The following SPTBN1 variants were observed in gnomAD, a reference collection of about 807,000 sequenced individuals.
The protein encoded by SPTBN1 is spectrin beta, non-erythrocytic 1.
In SPTBN1, 32 loss-of-function variants were observed where a neutral mutation model predicts 266.4. That is an observed-to-expected ratio of 0.12 (90% CI 0.09 to 0.16). The LOEUF is 0.16. Among genes scored for constraint, SPTBN1 ranks in the 10% least tolerant of loss-of-function variants. SPTBN1 has a pLI of 1.00. For missense variants in SPTBN1, 2,296 were observed against 3,067.1 expected (o/e 0.75, Z 5.94); for synonymous variants, 1,336 against 1,162.2 (o/e 1.15, Z -3.04).
intron 2 of SPTBN1, among the ~76,000 whole-genome samples, chr2:54,532,115 C>A (rs1220404032): frequency 6.6e-6 from 1 of 152,122 alleles, no homozygotes; most frequent in Non-Finnish European, 1.5e-5. Context: ...TAGCGAAACC[C>A]CATCTCTGCT....
At chr2:54,632,424 A>G (rs1359628168) in intron 16 of SPTBN1, 142 bp from the exon 17 acceptor site, 17 of 951,832 alleles carry the variant, frequency 1.8e-5, no homozygotes, top group African/African-American at 3.3e-5. Context: ...TTTTCCTCCT[A>G]ACTTTTAATT....
intron 2 of SPTBN1, among the ~76,000 whole-genome samples, chr2:54,532,825 T>C (rs899183859): frequency 2.3e-4 from 35 of 152,214 alleles, no homozygotes; most frequent in African/African-American, 8.4e-4. Context: ...CCCTAATTTG[T>C]GTTGATTCTA....
At chr2:54,480,449 A>G (rs1379675273) in intron 1 of SPTBN1, among the ~76,000 whole-genome samples, 1 of 152,242 alleles carries the variant, frequency 6.6e-6, no homozygotes, top group East Asian at 1.9e-4. Context: ...AGTTTGTCTT[A>G]TGCAGTATTT....
rs1265055850 is a variant in SPTBN1 at position 54,669,388 on chromosome 2, T to G, written c.*819T>G. The G allele has an allele frequency of 6.6e-6, 1 of 152,666 alleles. No homozygotes were observed. Among genetic ancestry groups the G allele is most frequent in the African/African-American group, 2.4e-5 (1 of 41,454 alleles). The allele number at this position is 152,666 out of a possible 1,614,324, so 9.5% of individuals were successfully genotyped here. A position where few individuals can be genotyped will look rare whatever the true frequency, so the allele number is the denominator to read the frequency against. On this transcript the variant is annotated 3_prime_UTR_variant, in exon 36 of 36. Transcript: ENST00000356805. ...GAAGCATTTACTGGACAAAGTAATGTTACTCTAATGGTTACTTGCTCGTGC... is the reference window on the plus strand; with the variant it reads ...GAAGCATTTACTGGACAAAGTAATGGTACTCTAATGGTTACTTGCTCGTGC...
At chr2:54,659,914 C>T (rs1362471198) in intron 31 of SPTBN1, 22 bp from the exon 32 acceptor site, 1 of 1,610,744 alleles carries the variant, frequency 6.2e-7, no homozygotes, top group Non-Finnish European at 8.5e-7. Context: ...TCCCTTCCTC[C>T]TTTTCCCCTC....
At chr2:54,620,798 G>A (rs1250865712) in intron 7 of SPTBN1, among the ~76,000 whole-genome samples, 1 of 152,196 alleles carries the variant, frequency 6.6e-6, no homozygotes, top group African/African-American at 2.4e-5. Context: ...CCAGATTCTG[G>A]AGGACTGAAG....
At chr2:54,638,144 C>T (rs1378252624) in intron 18 of SPTBN1, among the ~76,000 whole-genome samples, 1 of 152,172 alleles carries the variant, frequency 6.6e-6, no homozygotes, top group African/African-American at 2.4e-5. Flanking sequence ...CCATCACTAG[C>T]TGTATTTTAA....
chr2:54,646,912 CT>C lies in SPTBN1; in HGVS notation c.4867-218del, dbSNP rs1679961176. Among the ~76,000 whole-genome samples, 1 of 152,232 alleles carries C rather than the reference CT, an allele frequency of 6.6e-6. No individual in the cohort carries two copies. Among genetic ancestry groups the C allele is most frequent in the East Asian group, 1.9e-4 (1 of 5,198 alleles). On this transcript the variant is annotated intron_variant, in intron 23 of 35. Transcript: ENST00000356805. This position sits in a 1 kb window ranked among gnomAD's most constrained non-coding sequence, Gnocchi z 4.4. ...TTCTCTGAGAGGGGCCCTGCTCATT[CT>C]GCGTTCTCCTTGTGTTTATCTTCTG...
intron 1 of SPTBN1, among the ~76,000 whole-genome samples, chr2:54,491,566 T>G (rs1316329717): frequency 2.0e-5 from 3 of 152,196 alleles, no homozygotes; most frequent in African/African-American, 7.2e-5. Flanking sequence ...GTGGTTCAAG[T>G]AATCATTTTT....
chr2:54,493,190 G>C (rs573949831), intron 1 of SPTBN1, among the ~76,000 whole-genome samples: 1 of 151,816 alleles, frequency 6.6e-6, no homozygotes, highest in South Asian at 2.1e-4. Context: ...ATGTTTTGTA[G>C]AGATGGGGTT....
intron 2 of SPTBN1, among the ~76,000 whole-genome samples, chr2:54,581,670 A>T (rs1465967714): frequency 7.0e-6 from 1 of 142,674 alleles, no homozygotes; most frequent in African/African-American, 2.7e-5. Context: ...AAACTGTCCC[A>T]AACCTGAGCT....
At chr2:54,654,228 G>C (rs1395743103) in intron 27 of SPTBN1, among the ~76,000 whole-genome samples, 1 of 152,140 alleles carries the variant, frequency 6.6e-6, no homozygotes, top group Non-Finnish European at 1.5e-5. Flanking sequence ...TGACTTTTCT[G>C]AGTTATTTTT....
intron 2 of SPTBN1, among the ~76,000 whole-genome samples, chr2:54,585,479 A>G (rs1213886129): frequency 6.6e-6 from 1 of 152,214 alleles, no homozygotes. Context: ...TTGTCCACCA[A>G]AACTCTGTAG....
intron 1 of SPTBN1, chr2:54,520,288 C>T (rs1667239357): frequency 6.6e-6 from 1 of 152,124 alleles, no homozygotes; most frequent in East Asian, 1.9e-4. Context: ...ATTGACTTTA[C>T]GAACTTTAAT....
intron 1 of SPTBN1, among the ~76,000 whole-genome samples, chr2:54,490,568 T>A (rs78288397): frequency 6.6e-6 from 1 of 152,298 alleles, no homozygotes; most frequent in Non-Finnish European, 1.5e-5. Flanking sequence ...TTTGAAGTAA[T>A]TGGCTATCTT....
At chr2:54,505,494 C>A (rs929273067) in intron 1 of SPTBN1, among the ~76,000 whole-genome samples, 2 of 152,142 alleles carry the variant, frequency 1.3e-5, no homozygotes, top group Admixed American at 6.5e-5. Context: ...CCTCCTAACC[C>A]CTAGCCACTG....
chr2:54,652,920 T>C (rs1444768775), intron 26 of SPTBN1: 1 of 152,008 alleles, frequency 6.6e-6, no homozygotes. Context: ...ATGACTGTCA[T>C]AGCTGAAAAA....
chr2:54,669,888 A>G lies in SPTBN1; in HGVS notation c.*1319A>G, dbSNP rs1681625054. On this transcript the variant is annotated 3_prime_UTR_variant, in exon 36 of 36. Coordinates refer to ENST00000356805, the MANE Select transcript of SPTBN1 (RefSeq NM_003128.3). ...GTTATACATTCAGGCTTTATCTTTT[A>G]TTTATGAAAAAGTTACCAGAGCACT... is the stretch of plus-strand genomic sequence containing the variant. 2 of 152,204 alleles carry G rather than the reference A, an allele frequency of 1.3e-5. No homozygotes were observed. The highest frequency in any genetic ancestry group is 1.3e-4 in the Admixed American group (2 of 15,280). 9.4% of individuals were successfully genotyped at this position (152,204 alleles called of 1,614,324 possible). A position where few individuals can be genotyped will look rare whatever the true frequency, so the allele number is the denominator to read the frequency against.
chr2:54,594,833 CTTTTTTTTTT>C (rs71408777), intron 2 of SPTBN1, among the ~76,000 whole-genome samples: 2 of 104,716 alleles, frequency 1.9e-5, no homozygotes, highest in Non-Finnish European at 3.4e-5. Flanking sequence ...TGGTAAGTTT[CTTTTTTTTTT>C]TTTTTTTTGA....
Sources: gnomAD v4.1 joint callset for allele counts (sites outside exome capture counted in the v4.1 genomes callset) on GRCh38, gnomAD v4.1.1 for gene constraint, Gnocchi (gnomAD v3.1) non-coding constraint, MANE v1.5 for transcripts, NCBI Gene and HGNC (gene_info 2026-07-23, HGNC 2026-07-21) for gene names.